Variants in GARNL3 observed in about 807,000 individuals in gnomAD.
The protein encoded by GARNL3 is GTPase-activating Rap/Ran-GAP domain-like protein 3.
A neutral mutation model predicts 125.0 loss-of-function variants in GARNL3; 63 were observed. The ratio of observed to expected loss-of-function variants is 0.50; its 90% CI spans 0.41 to 0.62. The LOEUF (loss-of-function observed/expected upper bound fraction) is 0.62, where lower values mean the gene tolerates loss of function less well. Among genes scored for constraint, GARNL3 ranks in the 20% least tolerant of loss-of-function variants. The pLI is 0.00. For missense variants in GARNL3, 994 were observed against 1,244.0 expected (o/e 0.80, Z 3.02); for synonymous variants, 439 against 457.5 (o/e 0.96, Z 0.52).
At chr9:127,368,008 C>CTTTTTTTTTT (rs10573639) in intron 22 of GARNL3, among the ~76,000 whole-genome samples, 8 of 81,886 alleles carry the variant, frequency 9.8e-5, no homozygotes, top group Non-Finnish European at 1.4e-4. Flanking sequence ...CATAGACTTT[C>CTTTTTTTTTT]TTTTTTTTTT....
intron 1 of GARNL3, among the ~76,000 whole-genome samples, chr9:127,239,832 CAA>C (rs573090309): frequency 6.6e-6 from 1 of 150,984 alleles, no homozygotes; most frequent in Non-Finnish European, 1.5e-5. Flanking sequence ...GATGAAAGTG[CAA>C]AAAAAGAACT....
chr9:127,360,401 G>A (rs1304828742), intron 21 of GARNL3, among the ~76,000 whole-genome samples: 3 of 152,160 alleles, frequency 2.0e-5, no homozygotes, highest in Non-Finnish European at 4.4e-5. Context: ...CAGCCCTCCC[G>A]TGGTAGAATG....
In GARNL3 at chr9:127,342,352, GTCT is replaced by G; in HGVS notation, c.1251+23_1251+25del. Reference sequence around the variant, plus strand: ...TGCATAAGGTAATTCTGGGTCCATGGTCTTCTTTCCTTCTTATGGGGTCTGAGT... The same window carrying G: ...TGCATAAGGTAATTCTGGGTCCATGGTCTTTCCTTCTTATGGGGTCTGAGT... On this transcript the variant is annotated intron_variant, in intron 14 of 27. Transcript: ENST00000373387. 1 of 1,500,302 alleles carries G rather than the reference GTCT, an allele frequency of 6.7e-7. No homozygotes were observed. The highest frequency in any genetic ancestry group is 9.3e-7 in the Non-Finnish European group (1 of 1,076,294). The allele number at this position is 1,500,302 out of a possible 1,614,324, so 92.9% of individuals were successfully genotyped here. A position where few individuals can be genotyped will look rare whatever the true frequency, so the allele number is the denominator to read the frequency against.
chr9:127,230,080 C>T (rs1401263034), intron 1 of GARNL3, among the ~76,000 whole-genome samples: 1 of 152,224 alleles, frequency 6.6e-6, no homozygotes, highest in Non-Finnish European at 1.5e-5. Context: ...TGTTAAACCA[C>T]TTGCCCTGGA....
chr9:127,275,881 G>T (rs550369924), intron 1 of GARNL3, among the ~76,000 whole-genome samples: 1 of 152,152 alleles, frequency 6.6e-6, no homozygotes, highest in Non-Finnish European at 1.5e-5. Flanking sequence ...TTATCGTTGT[G>T]TTGCAGTCTT....
intron 2 of GARNL3, among the ~76,000 whole-genome samples, chr9:127,294,351 C>A (rs2064519273): frequency 6.6e-6 from 1 of 152,168 alleles, no homozygotes; most frequent in Non-Finnish European, 1.5e-5. Context: ...GTCACCCAGG[C>A]TGGAGTGCAG....
intron 22 of GARNL3, among the ~76,000 whole-genome samples, chr9:127,371,090 G>T (rs1320355167): frequency 3.9e-5 from 6 of 152,166 alleles, no homozygotes; most frequent in African/African-American, 1.4e-4. Flanking sequence ...AGACACAGTT[G>T]GCACAATGGA....
intron 1 of GARNL3, among the ~76,000 whole-genome samples, chr9:127,273,782 C>G (rs904241527): frequency 3.3e-5 from 5 of 152,168 alleles, no homozygotes; most frequent in Non-Finnish European, 5.9e-5. Flanking sequence ...CAAAAAGTGC[C>G]ATGCTTCTCC....
At chr9:127,332,872 G>A in intron 8 of GARNL3, 151 bp from the exon 9 acceptor site, 1 of 633,820 alleles carries the variant, frequency 1.6e-6, no homozygotes, top group Non-Finnish European at 2.8e-6. Context: ...TCCTCATGGT[G>A]CTCAAGAAGA....
intron 1 of GARNL3, among the ~76,000 whole-genome samples, chr9:127,274,081 A>G (rs992844981): frequency 3.3e-5 from 5 of 152,236 alleles, no homozygotes; most frequent in African/African-American, 1.2e-4. Flanking sequence ...AATAAGATAG[A>G]GCATAAATAT....
At chr9:127,231,368 G>A (rs1299450978) in intron 1 of GARNL3, among the ~76,000 whole-genome samples, 3 of 151,180 alleles carry the variant, frequency 2.0e-5, no homozygotes, top group South Asian at 4.2e-4. Context: ...CACTGCGCCC[G>A]GCCAGGCAAA....
intron 16 of GARNL3, among the ~76,000 whole-genome samples, chr9:127,348,640 A>G (rs1238238148): frequency 3.3e-5 from 5 of 152,232 alleles, no homozygotes; most frequent in Admixed American, 2.6e-4. Context: ...CTTAGAAACC[A>G]TTACGAATGC....
At chr9:127,320,543 T>G (rs959769494) in intron 5 of GARNL3, among the ~76,000 whole-genome samples, 172 bp from the exon 6 acceptor site, 1 of 152,258 alleles carries the variant, frequency 6.6e-6, no homozygotes, top group East Asian at 1.9e-4. Context: ...GCCAGTTATA[T>G]AAGTCAAGTA....
intron 22 of GARNL3, among the ~76,000 whole-genome samples, chr9:127,381,382 T>C (rs1588971411): frequency 1.3e-5 from 2 of 152,234 alleles, no homozygotes; most frequent in African/African-American, 2.4e-5. Flanking sequence ...TCCTTTTTTT[T>C]TCAGAAATTA....
chr9:127,298,487 G>T (rs1000943726), intron 2 of GARNL3, among the ~76,000 whole-genome samples: 1 of 152,034 alleles, frequency 6.6e-6, no homozygotes, highest in Non-Finnish European at 1.5e-5. Flanking sequence ...CCTGCTTCCA[G>T]GTTTTCTTAG....
At chr9:127,245,806 C>T (rs540918083) in intron 2 of GARNL3, among the ~76,000 whole-genome samples, 1 of 152,302 alleles carries the variant, frequency 6.6e-6, no homozygotes, top group South Asian at 2.1e-4. Flanking sequence ...GAGGCCCAGC[C>T]TTTTCTGGGA....
chr9:127,314,060 C>G (rs578247850), intron 4 of GARNL3, among the ~76,000 whole-genome samples: 1 of 152,302 alleles, frequency 6.6e-6, no homozygotes, highest in African/African-American at 2.4e-5. Flanking sequence ...TCCTCTGGCT[C>G]TTTTGGGTCA....
chr9:127,272,826 T>A (rs996176828), intron 1 of GARNL3, among the ~76,000 whole-genome samples: 2 of 152,158 alleles, frequency 1.3e-5, no homozygotes, highest in South Asian at 2.1e-4. Context: ...ATGGTGCTTT[T>A]TTGATATTTT....
intron 1 of GARNL3, among the ~76,000 whole-genome samples, chr9:127,279,140 G>C (rs1026589998): frequency 6.6e-6 from 1 of 152,016 alleles, no homozygotes; most frequent in Non-Finnish European, 1.5e-5. Context: ...ATCTGAGCCA[G>C]TTCCAATTCA....
Sources: gnomAD v4.1 joint callset for allele counts (sites outside exome capture counted in the v4.1 genomes callset) on GRCh38, gnomAD v4.1.1 for gene constraint, MANE v1.5 for transcripts, NCBI Gene and HGNC (gene_info 2026-07-23, HGNC 2026-07-21) for gene names.